The following PRKN variants were observed in gnomAD, a reference collection of about 807,000 sequenced individuals.
The protein encoded by PRKN is E3 ubiquitin-protein ligase parkin.
In PRKN, 56 loss-of-function variants were observed where a neutral mutation model predicts 59.5. The observed-to-expected ratio is 0.94, with a 90% CI of 0.76 to 1.18. The LOEUF (loss-of-function observed/expected upper bound fraction) is 1.18. Ranked by LOEUF, PRKN falls within the 50% of genes most tolerant of loss-of-function variation. The pLI is 0.00. For missense variants in PRKN, 657 were observed against 596.4 expected, an observed-to-expected ratio of 1.10 and a Z score of -1.06; for synonymous variants, 250 against 222.1, an observed-to-expected ratio of 1.13 and a Z score of -1.12.
intron 7 of PRKN, among the ~76,000 whole-genome samples, chr6:161,727,037 G>A (rs1005258256): frequency 6.6e-6 from 1 of 152,106 alleles, no homozygotes; most frequent in African/African-American, 2.4e-5. Flanking sequence ...GTAGTGTCTG[G>A]ACGAGGCGGA....
intron 7 of PRKN, among the ~76,000 whole-genome samples, chr6:161,586,153 C>A (rs540040947): frequency 6.6e-6 from 1 of 152,250 alleles, no homozygotes; most frequent in Admixed American, 6.5e-5. Context: ...GTAGCTAGGA[C>A]TGCAGGTATC....
chr6:161,818,664 T>G (rs1487113175), intron 6 of PRKN, among the ~76,000 whole-genome samples: 1 of 152,006 alleles, frequency 6.6e-6, no homozygotes, highest in African/African-American at 2.4e-5. Context: ...TTTAGCAAGT[T>G]TGGAAAGGTT....
At chr6:162,031,085 C>A (rs1486230409) in intron 5 of PRKN, among the ~76,000 whole-genome samples, 1 of 152,084 alleles carries the variant, frequency 6.6e-6, no homozygotes, top group Non-Finnish European at 1.5e-5. Flanking sequence ...TGATGTTGGC[C>A]AACTTGACAT....
chr6:162,207,605 G>A (rs544008836), intron 3 of PRKN, among the ~76,000 whole-genome samples: 27 of 152,180 alleles, frequency 1.8e-4, no homozygotes, highest in Non-Finnish European at 3.1e-4. Flanking sequence ...CCATCTTTCC[G>A]TCTCACTATG....
rs1788860586 is a variant in PRKN, at chr6:161,755,121, A to G, written c.871+30651T>C. Among the ~76,000 whole-genome samples the G allele has an allele frequency of 1.3e-5, 2 of 152,206 alleles. 1 individual carries two copies. Among genetic ancestry groups the G allele is most frequent in the South Asian group, 4.1e-4 (2 of 4,820 alleles). On this transcript the variant is annotated intron_variant, in intron 7 of 11. Transcript: ENST00000366898. Reference sequence around the variant, plus strand: ...ATTTTTTATTCCTTTGTTCATTGATAACATTGCATACCCATAGCGTGTGAC... The same window carrying G: ...ATTTTTTATTCCTTTGTTCATTGATGACATTGCATACCCATAGCGTGTGAC...
At chr6:161,652,545 T>C (rs916097850) in intron 7 of PRKN, among the ~76,000 whole-genome samples, 5 of 152,238 alleles carry the variant, frequency 3.3e-5, no homozygotes, top group African/African-American at 1.2e-4. Context: ...ATTACATTCT[T>C]AAACTACAGT....
chr6:161,870,513 C>T (rs1324638127), intron 6 of PRKN, among the ~76,000 whole-genome samples: 1 of 152,102 alleles, frequency 6.6e-6, no homozygotes, highest in African/African-American at 2.4e-5. Flanking sequence ...ATTATGTATG[C>T]CACTGTTTCC....
At chr6:161,657,262 G>A (rs952150156) in intron 7 of PRKN, among the ~76,000 whole-genome samples, 1 of 152,174 alleles carries the variant, frequency 6.6e-6, no homozygotes, top group African/African-American at 2.4e-5. Context: ...GATCGCCCAT[G>A]CCGCCACTTC....
intron 7 of PRKN, among the ~76,000 whole-genome samples, chr6:161,597,181 C>T (rs931618465): frequency 4.6e-5 from 7 of 152,032 alleles, no homozygotes; most frequent in Non-Finnish European, 7.4e-5. Flanking sequence ...GAACACATGC[C>T]GAAAGGAGGA....
rs774251208 is a variant in PRKN at position 162,384,647 on chromosome 6, T to TAA, written c.171+58661_171+58662dup. On this transcript the variant is annotated intron_variant, in intron 2 of 11. Coordinates refer to ENST00000366898, the MANE Select transcript of PRKN (RefSeq NM_004562.3). ...AGGGTTGCCACAAAGCTTCAATTTG[T>TAA]AAAAAAAAAAAAAAACAAAAAAAAA... 3.4e-3 allele frequency among the ~76,000 whole-genome samples: 315 copies of TAA among 92,938 alleles called. 3 individuals are homozygous for TAA. The highest frequency in any genetic ancestry group is 7.7e-3 in the African/African-American group (196 of 25,452). 61.0% of individuals were successfully genotyped at this position (92,938 alleles called of 152,430 possible). A position where few individuals can be genotyped will look rare whatever the true frequency, so the allele number is the denominator to read the frequency against.
intron 5 of PRKN, among the ~76,000 whole-genome samples, chr6:162,043,826 C>A (rs962993061): frequency 2.0e-5 from 3 of 152,152 alleles, no homozygotes; most frequent in African/African-American, 7.2e-5. Context: ...CCATTTCTAG[C>A]GATTATAGAT....
intron 1 of PRKN, among the ~76,000 whole-genome samples, chr6:162,638,067 A>T (rs1020269203): frequency 1.3e-5 from 2 of 152,146 alleles, no homozygotes; most frequent in Non-Finnish European, 2.9e-5. Flanking sequence ...TCATTTTTTA[A>T]AAAAATAAAA....
chr6:162,243,507 A>G (rs1779074951), intron 3 of PRKN, among the ~76,000 whole-genome samples: 1 of 152,152 alleles, frequency 6.6e-6, no homozygotes, highest in Non-Finnish European at 1.5e-5. Flanking sequence ...AGTCATTGAA[A>G]TTTTATCTGT....
intron 11 of PRKN, 70 bp from the exon 12 acceptor site, chr6:161,350,281 C>A: frequency 1.0e-6 from 1 of 985,480 alleles, no homozygotes; most frequent in South Asian, 1.4e-5. Flanking sequence ...ATTCCCAAAC[C>A]AGCACGCTAG....
At position 161,475,490 on chromosome 6, in the gene PRKN, T is replaced by C. The variant is rs951822334; in HGVS notation, c.1083+73364A>G. ...CTTGCTATATTTTAAATGCACGGTA[T>C]TGACTTGTTATTTTTATTTACATAT... On this transcript the variant is annotated intron_variant, in intron 9 of 11. Coordinates refer to ENST00000366898, the MANE Select transcript of PRKN (RefSeq NM_004562.3). The surrounding 1 kb of genome is among the most constrained non-coding windows in gnomAD (Gnocchi z 5.3). 1.3e-5 allele frequency among the ~76,000 whole-genome samples: 2 copies of C among 152,182 alleles called. No homozygotes were observed. The highest frequency in any genetic ancestry group is 1.3e-4 in the Admixed American group (2 of 15,282).
intron 6 of PRKN, among the ~76,000 whole-genome samples, chr6:161,916,392 G>C (rs1399392287): frequency 6.6e-6 from 1 of 152,176 alleles, no homozygotes; most frequent in Non-Finnish European, 1.5e-5. Context: ...ATCAGTAGGT[G>C]AATATCATAG....
At chr6:162,628,018 A>C (rs949921722) in intron 1 of PRKN, among the ~76,000 whole-genome samples, 1 of 152,150 alleles carries the variant, frequency 6.6e-6, no homozygotes, top group African/African-American at 2.4e-5. Context: ...GTAGGACACA[A>C]TGTCATGAGG....
intron 2 of PRKN, among the ~76,000 whole-genome samples, chr6:162,307,365 G>A (rs527651114): frequency 6.6e-4 from 99 of 148,918 alleles, no homozygotes; most frequent in African/African-American, 2.3e-3. Flanking sequence ...ATGCCACTGC[G>A]CTCCAGCCTG....
chr6:162,492,884 C>T (rs1374945256), intron 1 of PRKN, among the ~76,000 whole-genome samples: 7 of 144,536 alleles, frequency 4.8e-5, no homozygotes, highest in Non-Finnish European at 1.0e-4. Flanking sequence ...ACCCGGGAGG[C>T]GGAGGTTGTA....
Sources: gnomAD v4.1 joint callset for allele counts (sites outside exome capture counted in the v4.1 genomes callset) on GRCh38, gnomAD v4.1.1 for gene constraint, Gnocchi (gnomAD v3.1) non-coding constraint, MANE v1.5 for transcripts, NCBI Gene and HGNC (gene_info 2026-07-23, HGNC 2026-07-21) for gene names.